UST: variants seen among roughly 807,000 people sequenced by gnomAD.
UST encodes the protein chondroitin sulfate 2-O-sulfotransferase.
UST carries 21 observed loss-of-function variants against 45.6 expected under a neutral mutation model. That is an observed-to-expected ratio of 0.46 (90% CI 0.33 to 0.66). The LOEUF (loss-of-function observed/expected upper bound fraction) is 0.66. Ranked by LOEUF, UST falls within the 30% of genes least tolerant of loss-of-function variation. UST has a pLI of 0.02. For missense variants in UST, 463 were observed against 512.4 expected (o/e 0.90, Z 0.93); for synonymous variants, 215 against 200.6 (o/e 1.07, Z -0.61).
At chr6:148,761,725 T>C (rs1482021354) in intron 1 of UST, among the ~76,000 whole-genome samples, 1 of 152,208 alleles carries the variant, frequency 6.6e-6, no homozygotes, top group Non-Finnish European at 1.5e-5. Flanking sequence ...CCGGGGATTG[T>C]GGTGTGGTCA....
In UST at chr6:149,021,385, G is replaced by A. The variant is rs754638085; in HGVS notation, c.841G>A (p.Val281Met). 12 of 1,614,194 alleles carry A rather than the reference G, an allele frequency of 7.4e-6. No individual in the cohort carries two copies. The highest frequency in any genetic ancestry group is 1.0e-5 in the Non-Finnish European group (12 of 1,180,024). The change falls in exon 7 of 8, where the codon GTG becomes ATG. Residue 281 changes from valine to methionine, a missense_variant. Coordinates refer to ENST00000367463, the MANE Select transcript of UST (RefSeq NM_005715.3). ...GAACGTGAATGAAAACTTCCTGCTCGTGGGGATTCTTGAAGAGTTGGAAGA... is the reference window on the plus strand; with the variant it reads ...GAACGTGAATGAAAACTTCCTGCTCATGGGGATTCTTGAAGAGTTGGAAGA... ...KLNVNENFLL[V>M]GILEELEDVL... is the part of the protein sequence containing the mutation.
chr6:148,931,066 G>A (rs1487035235), intron 2 of UST, among the ~76,000 whole-genome samples: 2 of 152,190 alleles, frequency 1.3e-5, no homozygotes, highest in African/African-American at 2.4e-5. Context: ...AGTGAGGGCA[G>A]TCTCTTCTTC....
chr6:148,955,898 T>C (rs1041452996), intron 4 of UST: 5 of 152,238 alleles, frequency 3.3e-5, no homozygotes, highest in African/African-American at 1.2e-4. Context: ...AGTATCTTAA[T>C]TGGGTTGGCA....
At chr6:148,891,063 T>G (rs1337232684) in intron 2 of UST, among the ~76,000 whole-genome samples, 1 of 152,224 alleles carries the variant, frequency 6.6e-6, no homozygotes, top group African/African-American at 2.4e-5. Flanking sequence ...ACCCAGTTCC[T>G]TATACTTTAA....
intron 2 of UST, among the ~76,000 whole-genome samples, chr6:148,888,506 G>T (rs1778952515): frequency 6.6e-6 from 1 of 152,202 alleles, no homozygotes; most frequent in East Asian, 1.9e-4. Context: ...TGTGACAGTG[G>T]ATGAATTACT....
chr6:148,917,033 A>G (rs1779603488), intron 2 of UST, among the ~76,000 whole-genome samples: 2 of 152,152 alleles, frequency 1.3e-5, no homozygotes, highest in Non-Finnish European at 1.5e-5. Context: ...AGCCTTGTGC[A>G]GTGTGCAAAG....
chr6:149,064,065 G>A (rs9485352), intron 7 of UST, among the ~76,000 whole-genome samples: 1,751 of 152,282 alleles, frequency 0.011, 37 homozygotes, highest in African/African-American at 0.04. Flanking sequence ...TCCATGCAGA[G>A]TATTTAAGAT....
chr6:149,002,495 A>G (rs182768599), intron 5 of UST, among the ~76,000 whole-genome samples: 1 of 152,200 alleles, frequency 6.6e-6, no homozygotes, highest in Non-Finnish European at 1.5e-5. Context: ...TTTTATTTTT[A>G]CTTTTTATGT....
At chr6:148,842,958 G>A (rs1181191010) in intron 1 of UST, among the ~76,000 whole-genome samples, 2 of 152,226 alleles carry the variant, frequency 1.3e-5, no homozygotes, top group Middle Eastern at 3.4e-3. Flanking sequence ...TAAAGAACAC[G>A]CCTATGTAAT....
chr6:149,004,174 A>G (rs1781604267), intron 5 of UST, among the ~76,000 whole-genome samples: 1 of 152,078 alleles, frequency 6.6e-6, no homozygotes, highest in Non-Finnish European at 1.5e-5. Flanking sequence ...CACACGAAAA[A>G]CCTACTCTTC....
intron 7 of UST, among the ~76,000 whole-genome samples, chr6:149,068,537 A>G (rs1562345333): frequency 1.3e-5 from 2 of 152,220 alleles, no homozygotes; most frequent in Admixed American, 6.5e-5. Flanking sequence ...ATCTCGCACC[A>G]TATCAGTTAA....
chr6:148,918,578 A>G (rs967507569), intron 2 of UST, among the ~76,000 whole-genome samples: 1 of 152,054 alleles, frequency 6.6e-6, no homozygotes, highest in Non-Finnish European at 1.5e-5. Context: ...CTTTTTTATT[A>G]TTCTTACTTG....
At chr6:148,778,500 G>A (rs1296359492) in intron 1 of UST, among the ~76,000 whole-genome samples, 4 of 152,144 alleles carry the variant, frequency 2.6e-5, no homozygotes, top group Non-Finnish European at 5.9e-5. Flanking sequence ...ATTCTACAAC[G>A]GTGCCCTTCC....
At chr6:149,034,780 G>A (rs1463997703) in intron 7 of UST, among the ~76,000 whole-genome samples, 2 of 143,754 alleles carry the variant, frequency 1.4e-5, no homozygotes, top group Non-Finnish European at 3.0e-5. Flanking sequence ...GGTCTGAAAA[G>A]CTCAGTATTC....
intron 1 of UST, among the ~76,000 whole-genome samples, chr6:148,818,601 T>G (rs1366026544): frequency 1.3e-5 from 2 of 152,206 alleles, no homozygotes; most frequent in African/African-American, 4.8e-5. Flanking sequence ...GGTGGCTGGC[T>G]TTTAACCCTG....
chr6:148,780,395 C>T (rs112184548), intron 1 of UST, among the ~76,000 whole-genome samples: 22,076 of 151,932 alleles, frequency 0.15, 1,775 homozygotes, highest in Middle Eastern at 0.17. Flanking sequence ...GTACTAAGCC[C>T]AGTACCCTAT....
chr6:148,947,448 T>TGTA (rs1225095777), intron 3 of UST, among the ~76,000 whole-genome samples: 10 of 152,198 alleles, frequency 6.6e-5, no homozygotes, highest in South Asian at 4.1e-4. Flanking sequence ...TATTTGTATT[T>TGTA]TGCAGGGGAA....
chr6:149,028,033 G>A (rs1302827396), intron 7 of UST, among the ~76,000 whole-genome samples: 4 of 151,910 alleles, frequency 2.6e-5, no homozygotes, highest in Non-Finnish European at 4.4e-5. Flanking sequence ...TGGTAGAGAC[G>A]GGATTTCACC....
Position 148,811,445 on chromosome 6 carries a change from A to G in UST, c.247+63768A>G, listed in dbSNP as rs150457959. Among the ~76,000 whole-genome samples, 272 of 152,360 alleles carry G rather than the reference A, an allele frequency of 1.8e-3. 1 individual carries two copies. Among genetic ancestry groups the G allele is most frequent in the African/African-American group, 6.3e-3 (264 of 41,590 alleles). On this transcript the variant is annotated intron_variant, in intron 1 of 7. Coordinates refer to ENST00000367463, the MANE Select transcript of UST (RefSeq NM_005715.3). ...GAGACTCTGCTTCTCAATGTCTTATAGCAAAAAGTATGGATGTCGGAATGG... is the reference window on the plus strand; with the variant it reads ...GAGACTCTGCTTCTCAATGTCTTATGGCAAAAAGTATGGATGTCGGAATGG...
Sources: allele counts gnomAD v4.1 joint callset (sites outside exome capture counted in the v4.1 genomes callset), GRCh38; gene constraint gnomAD v4.1.1; transcripts MANE v1.5; gene names NCBI Gene and HGNC (gene_info 2026-07-23, HGNC 2026-07-21).